ANKS1B: variants seen among roughly 807,000 people sequenced by gnomAD.
ANKS1B encodes ankyrin repeat and sterile alpha motif domain-containing protein 1B.
In ANKS1B, 36 loss-of-function variants were observed where a neutral mutation model predicts 148.3. The ratio of observed to expected loss-of-function variants is 0.24; its 90% CI spans 0.19 to 0.32. The LOEUF (loss-of-function observed/expected upper bound fraction) is 0.32. Among genes scored for constraint, ANKS1B ranks in the 10% least tolerant of loss-of-function variants. ANKS1B has a pLI of 1.00. For missense variants in ANKS1B, 1,157 were observed against 1,542.6 expected, an observed-to-expected ratio of 0.75 and a Z score of 4.19; for synonymous variants, 542 against 560.8, an observed-to-expected ratio of 0.97 and a Z score of 0.47.
chr12:99,686,533 A>G (rs1408410209), intron 8 of ANKS1B, among the ~76,000 whole-genome samples: 1 of 152,174 alleles, frequency 6.6e-6, no homozygotes, highest in African/African-American at 2.4e-5. Context: ...TGTTCAATTA[A>G]GCTACATTAA....
chr12:99,698,023 A>G (rs2054199670), intron 8 of ANKS1B, among the ~76,000 whole-genome samples: 1 of 152,092 alleles, frequency 6.6e-6, no homozygotes, highest in African/African-American at 2.4e-5. Flanking sequence ...TAGATTACCT[A>G]TATGGGGTGG....
At chr12:98,932,062 C>T (rs963534159) in intron 17 of ANKS1B, among the ~76,000 whole-genome samples, 1 of 152,168 alleles carries the variant, frequency 6.6e-6, no homozygotes, top group African/African-American at 2.4e-5. Context: ...AAGGCGACAC[C>T]TGCCTCTGGC....
intron 1 of ANKS1B, among the ~76,000 whole-genome samples, chr12:99,900,722 G>T (rs1282019933): frequency 6.6e-6 from 1 of 152,084 alleles, no homozygotes; most frequent in Non-Finnish European, 1.5e-5. Context: ...CAAAATCACA[G>T]TCACCAAGAG....
At chr12:99,957,684 T>C (rs977729128) in intron 1 of ANKS1B, among the ~76,000 whole-genome samples, 1 of 152,218 alleles carries the variant, frequency 6.6e-6, no homozygotes, top group Non-Finnish European at 1.5e-5. Context: ...AACTAGAACA[T>C]GTATGGCAAT....
chr12:99,665,708 G>A (rs1036030868), intron 8 of ANKS1B, among the ~76,000 whole-genome samples: 2 of 152,110 alleles, frequency 1.3e-5, no homozygotes, highest in East Asian at 3.9e-4. Context: ...GGATGGTCTC[G>A]ATCTCCTGAC....
chr12:99,698,297 A>G (rs1238793720), intron 8 of ANKS1B, among the ~76,000 whole-genome samples: 3 of 152,180 alleles, frequency 2.0e-5, no homozygotes, highest in Non-Finnish European at 4.4e-5. Context: ...CAGTGGAAAT[A>G]TTCTAAGGAC....
intron 12 of ANKS1B, among the ~76,000 whole-genome samples, chr12:99,392,230 G>A (rs1311509859): frequency 6.6e-6 from 1 of 152,232 alleles, no homozygotes; most frequent in East Asian, 1.9e-4. Context: ...TGATGTCTCA[G>A]CTTCAGGAGG....
At chr12:98,898,797 G>A (rs2099768302) in intron 17 of ANKS1B, among the ~76,000 whole-genome samples, 3 of 152,150 alleles carry the variant, frequency 2.0e-5, no homozygotes, top group African/African-American at 7.2e-5. Context: ...CCTGCAAAGT[G>A]AGACAGTAGA....
Position 98,989,005 on chromosome 12 carries a change from T to C in ANKS1B, c.2778+64152A>G, listed in dbSNP as rs989344675. 2.2e-4 allele frequency among the ~76,000 whole-genome samples: 33 copies of C among 152,192 alleles called. 1 individual carries two copies. The highest frequency in any genetic ancestry group is 8.0e-4 in the African/African-American group (33 of 41,456). On this transcript the variant is annotated intron_variant, in intron 17 of 26. Coordinates refer to ENST00000683438, the MANE Select transcript of ANKS1B (RefSeq NM_001352186.2). ...ACTGAATTCCTTATATGTTTTGGAA[T>C]ATTAACTCCTTATCAGATGTATAGT...
intron 12 of ANKS1B, among the ~76,000 whole-genome samples, chr12:99,379,846 G>A (rs999842693): frequency 6.6e-6 from 1 of 152,146 alleles, no homozygotes; most frequent in African/African-American, 2.4e-5. Context: ...GACTTTTTCT[G>A]TTTAATTAGT....
chr12:99,083,157 T>C (rs1376725499), intron 16 of ANKS1B, among the ~76,000 whole-genome samples: 1 of 152,176 alleles, frequency 6.6e-6, no homozygotes, highest in East Asian at 1.9e-4. Flanking sequence ...GAAATTCAAT[T>C]CACTGTCAGT....
At chr12:99,290,730 T>A (rs761392738) in intron 12 of ANKS1B, among the ~76,000 whole-genome samples, 4 of 152,062 alleles carry the variant, frequency 2.6e-5, no homozygotes, top group Non-Finnish European at 5.9e-5. Flanking sequence ...TATTCCTTCA[T>A]AATAAAAACT....
At chr12:99,781,518 G>C (rs532566763) in intron 5 of ANKS1B, among the ~76,000 whole-genome samples, 1 of 152,142 alleles carries the variant, frequency 6.6e-6, no homozygotes, top group Admixed American at 6.5e-5. Context: ...CCTTTAAAAG[G>C]TTCCCTTTAA....
At chr12:98,972,590 A>T (rs1225541985) in intron 17 of ANKS1B, among the ~76,000 whole-genome samples, 1 of 152,204 alleles carries the variant, frequency 6.6e-6, no homozygotes, top group Non-Finnish European at 1.5e-5. Flanking sequence ...AGGGCTTCCG[A>T]CGCCACTTTC....
At chr12:98,837,428 G>A (rs886342459) in intron 17 of ANKS1B, among the ~76,000 whole-genome samples, 5 of 152,182 alleles carry the variant, frequency 3.3e-5, no homozygotes, top group African/African-American at 1.2e-4. Flanking sequence ...GAGGAATGTG[G>A]GTCAAAGGCA....
intron 19 of ANKS1B, among the ~76,000 whole-genome samples, chr12:98,812,619 G>A (rs577556495): frequency 7.2e-5 from 11 of 152,246 alleles, no homozygotes; most frequent in African/African-American, 2.4e-4. Flanking sequence ...TGTTGCCCAG[G>A]CTAGAGTGCA....
chr12:99,894,994 TC>T (rs2093330749), intron 1 of ANKS1B, among the ~76,000 whole-genome samples: 1 of 150,914 alleles, frequency 6.6e-6, no homozygotes, highest in African/African-American at 2.4e-5. Flanking sequence ...CAGGACATAA[TC>T]CCATCACAAA....
chr12:99,003,252 G>C (rs2099934082), intron 17 of ANKS1B, among the ~76,000 whole-genome samples: 2 of 152,114 alleles, frequency 1.3e-5, no homozygotes, highest in African/African-American at 4.8e-5. Flanking sequence ...AATGCATTTT[G>C]AAATCAGGAA....
At chr12:99,464,281 A>ATCACCATCTGTACATC (rs2096055918) in intron 10 of ANKS1B, among the ~76,000 whole-genome samples, 3 of 152,128 alleles carry the variant, frequency 2.0e-5, no homozygotes, top group Non-Finnish European at 4.4e-5. Flanking sequence ...CCACACCAAA[A>ATCACCATCTGTACATC]ACCCATCTGT....
Sources: allele counts gnomAD v4.1 joint callset (sites outside exome capture counted in the v4.1 genomes callset), GRCh38; gene constraint gnomAD v4.1.1; transcripts MANE v1.5; gene names NCBI Gene and HGNC (gene_info 2026-07-23, HGNC 2026-07-21).